BAAT: variants seen among roughly 807,000 people sequenced by gnomAD.
The protein encoded by BAAT is bile acid-CoA:amino acid N-acyltransferase.
BAAT carries 13 observed loss-of-function variants against 18.9 expected under a neutral mutation model. The observed-to-expected ratio is 0.69, with a 90% CI of 0.45 to 1.10. The LOEUF (loss-of-function observed/expected upper bound fraction) is 1.10, where lower values mean the gene tolerates loss of function less well. BAAT is among the 50% of genes least tolerant of loss of function. The pLI is 0.00. For synonymous variants in BAAT, 170 were observed against 190.7 expected (o/e 0.89, Z 0.89); for missense variants, 489 against 504.0 (o/e 0.97, Z 0.28).
chr9:101,379,728 A>G (rs565861545), intron 1 of BAAT, among the ~76,000 whole-genome samples: 4 of 152,334 alleles, frequency 2.6e-5, no homozygotes, highest in African/African-American at 9.6e-5. Flanking sequence ...TTGTGGCTAC[A>G]AGAAGTCTCT....
intron 3 of BAAT, among the ~76,000 whole-genome samples, chr9:101,365,011 C>A (rs1588139127): frequency 1.3e-5 from 2 of 152,136 alleles, no homozygotes; most frequent in African/African-American, 2.4e-5. Context: ...CTGTCCTGAA[C>A]TAAGGTAACA....
In BAAT at chr9:101,362,692, G is replaced by T. The variant is rs1829753914; in HGVS notation, c.993C>A (p.Ile331=). ...LFIVGEGDKT[I]NSKAHAEQAI... is the part of the protein sequence containing the mutation. ...CTTGTTCAGCGTGTGCTTTGCTGTT[G>T]ATAGTCTTATCACCTTCTCCTACAA... is the stretch of plus-strand genomic sequence containing the variant. Residue 331 remains isoleucine, a synonymous_variant, in exon 4 of 4, where the codon ATC becomes ATA. Transcript: ENST00000259407. 1.9e-6 allele frequency: 3 copies of T among 1,614,068 alleles called. No homozygotes were observed. Among genetic ancestry groups the T allele is most frequent in the Non-Finnish European group, 2.5e-6 (3 of 1,180,036 alleles).
chr9:101,369,609 C>T (rs886433173), intron 2 of BAAT, among the ~76,000 whole-genome samples: 1 of 152,146 alleles, frequency 6.6e-6, no homozygotes, highest in African/African-American at 2.4e-5. Flanking sequence ...AAGGCCTGTA[C>T]CAATAAGCAG....
intron 1 of BAAT, among the ~76,000 whole-genome samples, chr9:101,374,658 T>C (rs906447344): frequency 6.6e-6 from 1 of 152,120 alleles, no homozygotes; most frequent in African/African-American, 2.4e-5. Context: ...GCAAAGGCAA[T>C]GAGATCCTAA....
chr9:101,384,150 G>C (rs968349693), intron 1 of BAAT, among the ~76,000 whole-genome samples: 1 of 152,068 alleles, frequency 6.6e-6, no homozygotes, highest in Non-Finnish European at 1.5e-5. Flanking sequence ...TAATTTTAAG[G>C]AAGTCTGATC....
At chr9:101,374,671 A>G (rs998926903) in intron 1 of BAAT, among the ~76,000 whole-genome samples, 35 of 152,290 alleles carry the variant, frequency 2.3e-4, no homozygotes, top group African/African-American at 8.4e-4. Flanking sequence ...GATCCTAAAT[A>G]CCACTATCAT....
At chr9:101,383,725 C>A (rs1041502422) in intron 1 of BAAT, among the ~76,000 whole-genome samples, 1 of 152,188 alleles carries the variant, frequency 6.6e-6, no homozygotes, top group Non-Finnish European at 1.5e-5. Context: ...TTAGGGATTG[C>A]CACTACATTT....
In BAAT at chr9:101,362,339, C is replaced by G. The variant is rs1334867096; in HGVS notation, c.*89G>C. 7.6e-7 allele frequency: 1 copy of G among 1,307,654 alleles called. No individual in the cohort carries two copies. Among genetic ancestry groups the G allele is most frequent in the Non-Finnish European group, 1.1e-6 (1 of 925,428 alleles). 81.0% of individuals were successfully genotyped at this position (1,307,654 alleles called of 1,614,324 possible). On this transcript the variant is annotated 3_prime_UTR_variant, in exon 4 of 4. Transcript: ENST00000259407. ...AAATTAATACAAAATGTGTGTGTGGCAGCTGGGGGAGACATTCCGCCATGA... is the reference window on the plus strand; with the variant it reads ...AAATTAATACAAAATGTGTGTGTGGGAGCTGGGGGAGACATTCCGCCATGA...
intron 1 of BAAT, among the ~76,000 whole-genome samples, chr9:101,381,282 G>T (rs1830128353): frequency 6.6e-6 from 1 of 151,990 alleles, no homozygotes; most frequent in African/African-American, 2.4e-5. Context: ...AGCACTTTGG[G>T]AGGCTGAGGT....
chr9:101,369,504 T>C (rs1012828767), intron 2 of BAAT, among the ~76,000 whole-genome samples: 4 of 152,170 alleles, frequency 2.6e-5, no homozygotes, highest in Non-Finnish European at 4.4e-5. Context: ...GTTCCCCCGA[T>C]AGAAAACACA....
rs116768556 is a variant in BAAT at position 101,368,082 on chromosome 9, C to A, written c.669+38G>T. ...AAAAACAAAAACAGAAACAAAAAAA[C>A]CCCAGGGACTCAAACCTACTGAAAA... is the stretch of plus-strand genomic sequence containing the variant. On this transcript the variant is annotated intron_variant, in intron 3 of 3. Transcript: ENST00000259407. 2.0e-3 allele frequency: 3,111 copies of A among 1,582,926 alleles called. 70 individuals carry two copies. The African/African-American group carries it at 0.037, about 19-fold the overall frequency.
At chr9:101,373,133 A>G (rs1829983814) in intron 1 of BAAT, among the ~76,000 whole-genome samples, 2 of 152,282 alleles carry the variant, frequency 1.3e-5, no homozygotes, top group South Asian at 4.1e-4. Flanking sequence ...AAAGACAGCA[A>G]ATTCTTGCTC....
At chr9:101,378,890 A>G (rs1313500897) in intron 1 of BAAT, among the ~76,000 whole-genome samples, 3 of 152,226 alleles carry the variant, frequency 2.0e-5, no homozygotes, top group Non-Finnish European at 2.9e-5. Context: ...CAAGAAAAAA[A>G]CAAACTGCCT....
rs1192662506 is a variant in BAAT at position 101,362,732 on chromosome 9, C to A, written c.953G>T (p.Gly318Val). The change falls in exon 4 of 4, where the codon GGG (glycine) becomes GTG (valine). Residue 318 changes from glycine (G) to valine (V), a missense_variant. Coordinates refer to ENST00000259407, the MANE Select transcript of BAAT (RefSeq NM_001701.4). ...QYLFPIEEAQ[G>V]QFLFIVGEGD... ...TTCTCCTACAATGAAGAGGAATTGC[C>A]CCTGGGCCTCTTCAATAGGAAACAA... 5 of 1,614,022 alleles carry A rather than the reference C, an allele frequency of 3.1e-6. No individual in the cohort carries two copies. In the Admixed American group the frequency reaches 8.3e-5, roughly 27 times the overall value.
intron 1 of BAAT, among the ~76,000 whole-genome samples, chr9:101,377,338 G>A (rs1830063772): frequency 6.6e-6 from 1 of 152,092 alleles, no homozygotes; most frequent in Admixed American, 6.6e-5. Context: ...CAATGAGAAA[G>A]CTGATTAATA....
At chr9:101,372,697 A>G (rs1474478549) in intron 1 of BAAT, among the ~76,000 whole-genome samples, 1 of 149,836 alleles carries the variant, frequency 6.7e-6, no homozygotes, top group Non-Finnish European at 1.5e-5. Flanking sequence ...CAAAGAATCT[A>G]CATGAATTGA....
intron 3 of BAAT, among the ~76,000 whole-genome samples, chr9:101,365,108 A>G (rs941206739): frequency 2.6e-4 from 39 of 152,210 alleles, no homozygotes; most frequent in African/African-American, 9.4e-4. Context: ...TTGGTTGGGA[A>G]TTCTAAGGAG....
At chr9:101,376,022 A>C (rs1554695678) in intron 1 of BAAT, 1 of 154,170 alleles carries the variant, frequency 6.5e-6, no homozygotes, top group South Asian at 2.0e-4. Context: ...GTTGTGTTCA[A>C]CTGGGTCTGA....
intron 1 of BAAT, among the ~76,000 whole-genome samples, chr9:101,377,419 A>G (rs1230932469): frequency 6.6e-6 from 1 of 152,216 alleles, no homozygotes; most frequent in Admixed American, 6.5e-5. Flanking sequence ...CCCTTGGCTC[A>G]ACTCCTTGCT....
Sources: gnomAD v4.1 joint callset for allele counts (sites outside exome capture counted in the v4.1 genomes callset) on GRCh38, gnomAD v4.1.1 for gene constraint, MANE v1.5 for transcripts, NCBI Gene and HGNC (gene_info 2026-07-23, HGNC 2026-07-21) for gene names.